The following ARHGEF3 variants were observed in gnomAD, a reference collection of about 807,000 sequenced individuals.
ARHGEF3 encodes 59.8 kDA protein.
In ARHGEF3, 28 loss-of-function variants were observed where a neutral mutation model predicts 63.2. That is an observed-to-expected ratio of 0.44 (90% confidence interval 0.33 to 0.61). The LOEUF (loss-of-function observed/expected upper bound fraction) is 0.61, where lower values mean the gene tolerates loss of function less well. Ranked by LOEUF, ARHGEF3 falls within the 20% of genes least tolerant of loss-of-function variation. ARHGEF3 has a pLI of 0.03. For missense variants in ARHGEF3, 533 were observed against 659.3 expected, an observed-to-expected ratio of 0.81 and a Z score of 2.10; for synonymous variants, 266 against 254.2, an observed-to-expected ratio of 1.05 and a Z score of -0.44.
chr3:56,867,864 T>C (rs554931948), intron 4 of ARHGEF3, among the ~76,000 whole-genome samples: 4 of 152,286 alleles, frequency 2.6e-5, no homozygotes, highest in Admixed American at 6.5e-5. Flanking sequence ...TTGGAGGCCC[T>C]AGACATCCAG....
At chr3:56,822,271 A>G (rs2038536264) in intron 4 of ARHGEF3, among the ~76,000 whole-genome samples, 1 of 152,222 alleles carries the variant, frequency 6.6e-6, no homozygotes, top group African/African-American at 2.4e-5. Context: ...TCGCACAGCT[A>G]GGAAGTGGCA....
chr3:56,849,890 C>A (rs1358165620), intron 4 of ARHGEF3, among the ~76,000 whole-genome samples: 2 of 152,140 alleles, frequency 1.3e-5, no homozygotes, highest in African/African-American at 4.8e-5. Context: ...TATACTCCTG[C>A]CGGGATATGA....
intron 1 of ARHGEF3, among the ~76,000 whole-genome samples, chr3:56,777,636 T>C (rs1348822725): frequency 1.3e-5 from 2 of 152,190 alleles, no homozygotes; most frequent in South Asian, 2.1e-4. Flanking sequence ...AATAGTTCCA[T>C]TGAAACAGAC....
At chr3:56,733,414 T>C (rs1209574172) in intron 8 of ARHGEF3, among the ~76,000 whole-genome samples, 1 of 133,424 alleles carries the variant, frequency 7.5e-6, no homozygotes, top group Non-Finnish European at 1.5e-5. Flanking sequence ...AGGCAGAGGT[T>C]GCAGTGAGCC....
intron 2 of ARHGEF3, among the ~76,000 whole-genome samples, chr3:56,762,616 C>G (rs1303156265): frequency 6.6e-6 from 1 of 152,110 alleles, no homozygotes; most frequent in Non-Finnish European, 1.5e-5. Flanking sequence ...TGCCCTTTTC[C>G]AAAAACCATT....
chr3:57,013,194 A>G (rs1485066742), intron 2 of ARHGEF3, among the ~76,000 whole-genome samples: 1 of 152,172 alleles, frequency 6.6e-6, no homozygotes, highest in Non-Finnish European at 1.5e-5. Flanking sequence ...CCAGACAGGC[A>G]CTGCCCCCTG....
intron 2 of ARHGEF3, among the ~76,000 whole-genome samples, chr3:56,761,225 G>T (rs2035398768): frequency 6.6e-6 from 1 of 152,172 alleles, no homozygotes; most frequent in South Asian, 2.1e-4. Flanking sequence ...TGATGGGCAG[G>T]TGTTCATAAC....
chr3:57,013,221 C>G (rs1473878892), intron 2 of ARHGEF3, among the ~76,000 whole-genome samples: 1 of 152,220 alleles, frequency 6.6e-6, no homozygotes, highest in Non-Finnish European at 1.5e-5. Context: ...GGTGCCCATC[C>G]CATCGACGGC....
chr3:57,027,742 C>A (rs1482024484), intron 2 of ARHGEF3, among the ~76,000 whole-genome samples: 1 of 152,052 alleles, frequency 6.6e-6, no homozygotes, highest in African/African-American at 2.4e-5. Flanking sequence ...ACCTGTAATC[C>A]CAGCTACTCA....
intron 4 of ARHGEF3, among the ~76,000 whole-genome samples, chr3:56,872,510 T>C (rs982135189): frequency 7.7e-6 from 1 of 130,686 alleles, no homozygotes; most frequent in East Asian, 2.0e-4. Context: ...TCTTTTCATA[T>C]ACTTTTTTTT....
chr3:56,838,820 G>T (rs1416340455), intron 4 of ARHGEF3, among the ~76,000 whole-genome samples: 1 of 152,154 alleles, frequency 6.6e-6, no homozygotes, highest in Non-Finnish European at 1.5e-5. Flanking sequence ...TGTCATTTAA[G>T]AAAGGCAAAC....
upstream of ARHGEF3, among the ~76,000 whole-genome samples, chr3:56,803,766 C>T (rs768535559): frequency 2.0e-5 from 3 of 152,184 alleles, no homozygotes; most frequent in Non-Finnish European, 4.4e-5. Context: ...TGCACCACTG[C>T]ACTCTAGCCT....
At chr3:56,919,805 T>A (rs564766906) in intron 3 of ARHGEF3, among the ~76,000 whole-genome samples, 231 of 152,302 alleles carry the variant, frequency 1.5e-3, no homozygotes, top group Middle Eastern at 3.4e-3. Flanking sequence ...TTTGCAGATT[T>A]AAAAAAACTG....
chr3:56,954,537 C>A (rs1312121346), intron 3 of ARHGEF3, among the ~76,000 whole-genome samples: 32 of 152,142 alleles, frequency 2.1e-4, no homozygotes, highest in Non-Finnish European at 2.9e-5. Flanking sequence ...CTTCCATGTC[C>A]ACTCCACCCT....
chr3:56,893,807 G>T (rs2041203103), intron 3 of ARHGEF3, among the ~76,000 whole-genome samples: 3 of 75,544 alleles, frequency 4.0e-5, no homozygotes, highest in South Asian at 5.7e-4. Flanking sequence ...ACAAGACTCT[G>T]TCTCAAAAAA....
At chr3:56,950,232 T>A (rs1323245763) in intron 3 of ARHGEF3, among the ~76,000 whole-genome samples, 1 of 152,080 alleles carries the variant, frequency 6.6e-6, no homozygotes, top group Admixed American at 6.5e-5. Flanking sequence ...AAGGACTTCA[T>A]GTCTAAAACA....
chr3:56,767,126 A>G lies in ARHGEF3; in HGVS notation c.204+6583T>C, dbSNP rs1282605811. Among the ~76,000 whole-genome samples the G allele has an allele frequency of 3.3e-5, 5 of 151,538 alleles. No homozygotes were observed. In the East Asian group the frequency reaches 9.7e-4, roughly 29 times the overall value. On this transcript the variant is annotated intron_variant, in intron 2 of 9. Coordinates refer to ENST00000296315, the MANE Select transcript of ARHGEF3 (RefSeq NM_019555.3). ...GGAGTTTGAGACCAGTCTGGGCAAC[A>G]TAGGGAGATTTTTGTCTCTATTAAA...
intron 2 of ARHGEF3, among the ~76,000 whole-genome samples, chr3:56,759,627 G>C (rs2035307180): frequency 6.6e-6 from 1 of 152,122 alleles, no homozygotes; most frequent in African/African-American, 2.4e-5. Flanking sequence ...AAACTCATGG[G>C]CTCAAGTGAT....
chr3:56,761,139 C>G (rs2035391376), intron 2 of ARHGEF3, among the ~76,000 whole-genome samples: 2 of 152,126 alleles, frequency 1.3e-5, no homozygotes, highest in African/African-American at 4.8e-5. Flanking sequence ...GAATACCAAA[C>G]CAGTGAGTGG....
Sources: gnomAD v4.1 joint callset for allele counts (sites outside exome capture counted in the v4.1 genomes callset) on GRCh38, gnomAD v4.1.1 for gene constraint, MANE v1.5 for transcripts, NCBI Gene and HGNC (gene_info 2026-07-23, HGNC 2026-07-21) for gene names.